ME3: variants seen among roughly 807,000 people sequenced by gnomAD.
The protein encoded by ME3 is NADP-dependent malic enzyme, mitochondrial.
Under a neutral mutation model 68.9 loss-of-function variants are expected in ME3, and 48 were observed. The ratio of observed to expected loss-of-function variants is 0.70; its 90% CI spans 0.55 to 0.89. The LOEUF (loss-of-function observed/expected upper bound fraction) is 0.89, where lower values mean the gene tolerates loss of function less well. ME3 is among the 40% of genes least tolerant of loss of function. The probability of loss-of-function intolerance (pLI) is 0.00; values close to 1 mark genes in which losing one functional copy is unlikely to be tolerated. For synonymous variants in ME3, 320 were observed against 318.8 expected (o/e 1.00, Z -0.04); for missense variants, 675 against 797.4 (o/e 0.85, Z 1.85).
At chr11:86,459,042 G>A (rs60616526) in intron 8 of ME3, among the ~76,000 whole-genome samples, 2,547 of 152,320 alleles carry the variant, frequency 0.017, 79 homozygotes, top group African/African-American at 0.059. Flanking sequence ...CCAGATCCTG[G>A]GGAAGAGTGG....
Position 86,496,473 on chromosome 11 carries a change from A to G in ME3, c.705+1490T>C, listed in dbSNP as rs1020935317. 1.1e-4 allele frequency among the ~76,000 whole-genome samples: 17 copies of G among 152,356 alleles called. 2 individuals are homozygous for G. The highest frequency in any genetic ancestry group is 5.2e-4 in the Admixed American group (8 of 15,302). On this transcript the variant is annotated intron_variant, in intron 6 of 14. Coordinates refer to ENST00000543262, the Ensembl canonical transcript of ME3. ...ATTGTGTTTAGGGAAGAGGAAGGCC[A>G]TGTAAAGAGTCTTGGCAAATTTTCT...
chr11:86,644,145 A>G (rs1196944237), intron 2 of ME3, among the ~76,000 whole-genome samples: 12 of 152,290 alleles, frequency 7.9e-5, no homozygotes, highest in Middle Eastern at 6.8e-3. Flanking sequence ...GTGAATCCCA[A>G]GAACACAGTG....
intron 4 of ME3, among the ~76,000 whole-genome samples, chr11:86,536,287 G>T (rs1313132195): frequency 6.6e-6 from 1 of 150,422 alleles, no homozygotes; most frequent in South Asian, 2.1e-4. Context: ...TGACAAATGG[G>T]ATCTAATTAA....
At chr11:86,612,620 T>C (rs1942669506) in intron 2 of ME3, among the ~76,000 whole-genome samples, 1 of 152,220 alleles carries the variant, frequency 6.6e-6, no homozygotes, top group East Asian at 1.9e-4. Context: ...TGGTGCGAGA[T>C]GGTATCTCAT....
chr11:86,613,100 G>C (rs1436364396), intron 2 of ME3, among the ~76,000 whole-genome samples: 2 of 152,078 alleles, frequency 1.3e-5, no homozygotes, highest in Non-Finnish European at 2.9e-5. Flanking sequence ...TGAAAGGAAG[G>C]GGTCCAGTTT....
At chr11:86,577,976 G>A (rs376125994) in intron 2 of ME3, among the ~76,000 whole-genome samples, 1 of 152,152 alleles carries the variant, frequency 6.6e-6, no homozygotes, top group African/African-American at 2.4e-5. Context: ...TGAAAGATTA[G>A]TTTTTGCGAA....
At chr11:86,537,235 A>T (rs555555502) in intron 4 of ME3, among the ~76,000 whole-genome samples, 1 of 151,914 alleles carries the variant, frequency 6.6e-6, no homozygotes, top group African/African-American at 2.4e-5. Context: ...ATGTATACAT[A>T]TGTAACTAAC....
intron 2 of ME3, among the ~76,000 whole-genome samples, chr11:86,598,316 G>C (rs1959909578): frequency 6.6e-6 from 1 of 152,226 alleles, no homozygotes; most frequent in Non-Finnish European, 1.5e-5. Flanking sequence ...CTGGCTTGGA[G>C]GGTCCTACGC....
intron 4 of ME3, among the ~76,000 whole-genome samples, chr11:86,509,394 A>G (rs1419819523): frequency 3.3e-5 from 3 of 91,182 alleles, no homozygotes; most frequent in Non-Finnish European, 4.7e-5. Flanking sequence ...GAGCTACTCC[A>G]TCATCACACA....
At chr11:86,462,578 G>C in intron 8 of ME3, 4 of 1,284,300 alleles carry the variant, frequency 3.1e-6, no homozygotes, top group East Asian at 5.6e-5. Context: ...GAACAGGTGG[G>C]TGTGCTTATG....
chr11:86,503,529 G>A (rs1179546937), intron 5 of ME3, among the ~76,000 whole-genome samples: 1 of 152,192 alleles, frequency 6.6e-6, no homozygotes, highest in Non-Finnish European at 1.5e-5. Context: ...GAGATCTTAC[G>A]GCAGCCCAAC....
chr11:86,586,803 G>A (rs1011149410), intron 2 of ME3, among the ~76,000 whole-genome samples: 4 of 152,092 alleles, frequency 2.6e-5, no homozygotes, highest in African/African-American at 7.2e-5. Context: ...CTTGGGAGCC[G>A]AAGAGTGAAA....
chr11:86,511,756 C>T lies in ME3; in HGVS notation c.468-2889G>A, dbSNP rs566438916. ...CTTACTGCTCAACAGCCATGTGGCT[C>T]GAGGTCACAAGATTTTTGACTTCCC... On this transcript the variant is annotated intron_variant, in intron 4 of 14. Transcript: ENST00000543262. Among the ~76,000 whole-genome samples, 7 of 152,218 alleles carry T rather than the reference C, an allele frequency of 4.6e-5. No individual in the cohort carries two copies. The East Asian group carries it at 7.7e-4, about 17-fold the overall frequency.
chr11:86,508,250 C>T (rs937922753), intron 5 of ME3, among the ~76,000 whole-genome samples: 3 of 152,154 alleles, frequency 2.0e-5, no homozygotes, highest in Non-Finnish European at 4.4e-5. Context: ...TCTCCACTAC[C>T]TAACTGTCCA....
intron 2 of ME3, among the ~76,000 whole-genome samples, chr11:86,662,732 T>G (rs924619777): frequency 5.3e-5 from 8 of 152,232 alleles, no homozygotes; most frequent in African/African-American, 1.9e-4. Context: ...ACACTGCATG[T>G]CCTAAAAACA....
intron 7 of ME3, among the ~76,000 whole-genome samples, chr11:86,466,944 G>A (rs1195025488): frequency 3.3e-5 from 5 of 152,186 alleles, no homozygotes; most frequent in Non-Finnish European, 7.3e-5. Flanking sequence ...TCCATCAGTG[G>A]GCACAATAAT....
At chr11:86,478,117 C>T (rs891117471) in intron 7 of ME3, among the ~76,000 whole-genome samples, 2 of 152,010 alleles carry the variant, frequency 1.3e-5, no homozygotes, top group Non-Finnish European at 2.9e-5. Flanking sequence ...TGACCACCCA[C>T]CAATCAACCA....
At chr11:86,668,521 T>C (rs1387369921) in intron 2 of ME3, among the ~76,000 whole-genome samples, 1 of 152,208 alleles carries the variant, frequency 6.6e-6, no homozygotes, top group Non-Finnish European at 1.5e-5. Context: ...ACCCCAATTA[T>C]GGAAATCATC....
chr11:86,457,894 G>T, intron 8 of ME3: 2 of 987,530 alleles, frequency 2.0e-6, no homozygotes, highest in Non-Finnish European at 2.6e-6. Flanking sequence ...TGTAGTTTCT[G>T]CTTTTAATAG....
Sources: allele counts gnomAD v4.1 joint callset (sites outside exome capture counted in the v4.1 genomes callset), GRCh38; gene constraint gnomAD v4.1.1; transcripts MANE v1.5; gene names NCBI Gene and HGNC (gene_info 2026-07-23, HGNC 2026-07-21).